Variants in PLPPR5 observed in about 807,000 individuals in gnomAD.
PLPPR5 encodes phospholipid phosphatase related 5, also known as phospholipid phosphatase-related protein type 5.
In PLPPR5, 16 loss-of-function variants were observed where a neutral mutation model predicts 33.9. The ratio of observed to expected loss-of-function variants is 0.47; its 90% CI spans 0.32 to 0.72. PLPPR5 has a LOEUF of 0.72. Ranked by LOEUF, PLPPR5 falls within the 30% of genes least tolerant of loss-of-function variation. PLPPR5 has a pLI of 0.03. For missense variants in PLPPR5, 301 were observed against 406.7 expected (o/e 0.74, Z 2.23); for synonymous variants, 163 against 150.3 (o/e 1.08, Z -0.62).
chr1:98,893,234 T>A, intron 5 of PLPPR5, 130 bp from the exon 6 acceptor site: 2 of 721,540 alleles, frequency 2.8e-6, no homozygotes, highest in Non-Finnish European at 4.3e-6. Context: ...CCAGCATTAT[T>A]AAACTAAGTT....
chr1:98,938,108 C>T (rs1337554920), intron 3 of PLPPR5, among the ~76,000 whole-genome samples: 1 of 151,110 alleles, frequency 6.6e-6, no homozygotes, highest in Non-Finnish European at 1.5e-5. Flanking sequence ...TGTCTCCAGC[C>T]CCTGTGGTGA....
At chr1:98,983,894 T>G (rs1482080327) in intron 1 of PLPPR5, among the ~76,000 whole-genome samples, 1 of 152,078 alleles carries the variant, frequency 6.6e-6, no homozygotes, top group Non-Finnish European at 1.5e-5. Flanking sequence ...TGTCTTCTTT[T>G]GAGAAGTGTC....
At chr1:98,929,258 G>C (rs1449823453) in intron 3 of PLPPR5, among the ~76,000 whole-genome samples, 3 of 152,120 alleles carry the variant, frequency 2.0e-5, no homozygotes, top group African/African-American at 7.2e-5. Flanking sequence ...CCGTCACATG[G>C]CACCATGAGA....
Position 98,892,961 on chromosome 1 carries a change from T to A in PLPPR5, c.*111A>T. On this transcript the variant is annotated 3_prime_UTR_variant, in exon 6 of 6. Coordinates refer to ENST00000263177, the MANE Select transcript of PLPPR5 (RefSeq NM_001037317.2). ...GACATTGATTTTAAAATTATAAAAA[T>A]TATTAAACAACTTTATAAACTTCAC... 1.9e-6 allele frequency: 2 copies of A among 1,064,974 alleles called. No individual in the cohort carries two copies. The highest frequency in any genetic ancestry group is 2.8e-6 in the Non-Finnish European group (2 of 720,616). The allele number at this position is 1,064,974 out of a possible 1,614,324, so 66.0% of individuals were successfully genotyped here.
chr1:98,905,768 T>G (rs1471055133), intron 5 of PLPPR5, among the ~76,000 whole-genome samples: 26 of 152,212 alleles, frequency 1.7e-4, no homozygotes, highest in Admixed American at 6.5e-5. Flanking sequence ...CTCTAGTTAC[T>G]GGTATATTAC....
intron 1 of PLPPR5, among the ~76,000 whole-genome samples, chr1:98,965,048 T>C (rs949154746): frequency 6.6e-6 from 1 of 151,012 alleles, no homozygotes; most frequent in African/African-American, 2.4e-5. Flanking sequence ...CTTGGGCTTA[T>C]GCAGTCCGCC....
chr1:98,986,943 T>TTA lies in PLPPR5; in HGVS notation c.237+17490_237+17491dup, dbSNP rs565330817. Among the ~76,000 whole-genome samples the TTA allele has an allele frequency of 1.9e-3, 286 of 151,930 alleles. 1 individual carries two copies. Among genetic ancestry groups the TTA allele is most frequent in the Non-Finnish European group, 3.6e-3 (241 of 67,796 alleles). On this transcript the variant is annotated intron_variant, in intron 1 of 5. Transcript: ENST00000263177. ...TGATTCCCTATGCTTCAAATTTTCTTTATTAGTTCTTTGATTACTTAAGAA... is the reference window on the plus strand; with the variant it reads ...TGATTCCCTATGCTTCAAATTTTCTTTATATTAGTTCTTTGATTACTTAAGAA...
intron 5 of PLPPR5, among the ~76,000 whole-genome samples, chr1:98,906,162 G>T (rs1648889084): frequency 6.7e-6 from 1 of 150,232 alleles, no homozygotes; most frequent in Non-Finnish European, 1.5e-5. Context: ...CACAGTGTGT[G>T]TATATATATA....
At chr1:98,895,363 G>C (rs990809059) in intron 5 of PLPPR5, among the ~76,000 whole-genome samples, 2 of 151,912 alleles carry the variant, frequency 1.3e-5, no homozygotes, top group African/African-American at 2.4e-5. Flanking sequence ...CCAGAATCCT[G>C]AGCCAATAAA....
chr1:98,957,516 T>A (rs309067), intron 1 of PLPPR5, among the ~76,000 whole-genome samples: 53,047 of 151,788 alleles, frequency 0.35, 9,470 homozygotes, highest in East Asian at 0.45. Context: ...TCTTATTTAA[T>A]TTTGACTCTG....
chr1:98,998,159 T>A lies in PLPPR5; in HGVS notation c.237+6276A>T, dbSNP rs553972532. Among the ~76,000 whole-genome samples the A allele has an allele frequency of 6.6e-4, 100 of 151,598 alleles. 1 individual carries two copies. The highest frequency in any genetic ancestry group is 2.4e-3 in the African/African-American group (98 of 41,326). On this transcript the variant is annotated intron_variant, in intron 1 of 5. Coordinates refer to ENST00000263177, the MANE Select transcript of PLPPR5 (RefSeq NM_001037317.2). ...GGAAACAGGAAAGAAGGGAGAAAAATCAGTATGAGTGAAAGTATCTAAGTG... is the reference window on the plus strand; with the variant it reads ...GGAAACAGGAAAGAAGGGAGAAAAAACAGTATGAGTGAAAGTATCTAAGTG...
rs1048576597 is a variant in PLPPR5 at position 98,910,353 on chromosome 1, T to C, written c.933+4433A>G. On this transcript the variant is annotated intron_variant, in intron 5 of 5. Coordinates refer to ENST00000263177, the MANE Select transcript of PLPPR5 (RefSeq NM_001037317.2). ...ACTTGTTTACTAGTATGAGCCATAA[T>C]GAATCCAATAAGGTGAGTACTCAGT... 2.0e-5 allele frequency among the ~76,000 whole-genome samples: 3 copies of C among 152,298 alleles called. No individual in the cohort carries two copies. The East Asian group carries it at 5.8e-4, about 29-fold the overall frequency.
chr1:98,990,820 T>G (rs1409354003), intron 1 of PLPPR5: 1 of 152,132 alleles, frequency 6.6e-6, no homozygotes, highest in African/African-American at 2.4e-5. Context: ...CAGGAAATTA[T>G]TAACAGTCTT....
intron 3 of PLPPR5, among the ~76,000 whole-genome samples, chr1:98,943,962 T>C (rs1054483960): frequency 3.9e-5 from 6 of 152,184 alleles, no homozygotes; most frequent in African/African-American, 1.2e-4. Flanking sequence ...GTCAGTGCTA[T>C]ATTAACCCTC....
chr1:98,982,568 C>G (rs1352040825), intron 1 of PLPPR5, among the ~76,000 whole-genome samples: 2 of 152,032 alleles, frequency 1.3e-5, no homozygotes, highest in African/African-American at 4.8e-5. Flanking sequence ...CTTTTCTTTC[C>G]ATAAAACCAA....
chr1:98,922,962 G>C (rs1436742385), intron 3 of PLPPR5, among the ~76,000 whole-genome samples: 1 of 151,760 alleles, frequency 6.6e-6, no homozygotes, highest in Non-Finnish European at 1.5e-5. Context: ...TCCAGCCTGG[G>C]TGACAGAGCG....
At chr1:98,897,414 C>T (rs1648521020) in intron 5 of PLPPR5, among the ~76,000 whole-genome samples, 1 of 152,170 alleles carries the variant, frequency 6.6e-6, no homozygotes, top group South Asian at 2.1e-4. Flanking sequence ...TTACATATTA[C>T]TTAAATGTTT....
At chr1:98,918,526 A>C (rs567480753) in intron 4 of PLPPR5, among the ~76,000 whole-genome samples, 1 of 152,272 alleles carries the variant, frequency 6.6e-6, no homozygotes, top group South Asian at 2.1e-4. Flanking sequence ...TCTGCGCTCT[A>C]ACCTGAAACA....
chr1:98,903,797 G>C (rs111238835), intron 5 of PLPPR5, among the ~76,000 whole-genome samples: 135 of 152,244 alleles, frequency 8.9e-4, no homozygotes, highest in African/African-American at 3.1e-3. Context: ...AAGGAGAGAA[G>C]TGATTTGTCT....
Sources: gnomAD v4.1 joint callset for allele counts (sites outside exome capture counted in the v4.1 genomes callset) on GRCh38, gnomAD v4.1.1 for gene constraint, MANE v1.5 for transcripts, NCBI Gene and HGNC (gene_info 2026-07-23, HGNC 2026-07-21) for gene names.